NPIPA1: variants seen among roughly 807,000 people sequenced by gnomAD.
The protein encoded by NPIPA1 is nuclear pore complex-interacting protein family member A1.
For missense variants in NPIPA1, 22 were observed against 232.2 expected (o/e 0.09, Z 5.88); for synonymous variants, 7 against 88.0 (o/e 0.08, Z 5.15).
At chr16:14,940,398 A>T (rs1176904877) in intron 1 of NPIPA1, among the ~76,000 whole-genome samples, 4 of 152,200 alleles carry the variant, frequency 2.6e-5, no homozygotes, top group African/African-American at 9.7e-5. Flanking sequence ...CAATTTAAAA[A>T]ACAAATAACT....
At chr16:14,946,917 A>C (rs888032180) in intron 4 of NPIPA1, among the ~76,000 whole-genome samples, 1 of 152,028 alleles carries the variant, frequency 6.6e-6, no homozygotes, top group African/African-American at 2.4e-5. Context: ...CTGGTCTAGA[A>C]CTCCTGACAT....
At chr16:14,942,893 G>A (rs1163213645) in intron 2 of NPIPA1, among the ~76,000 whole-genome samples, 1 of 151,680 alleles carries the variant, frequency 6.6e-6, no homozygotes, top group African/African-American at 2.4e-5. Context: ...ATGTGGTTGT[G>A]TGGGGGCTGA....
In NPIPA1 at chr16:14,951,758, C is replaced by G; in HGVS notation, c.786C>G (p.Ser262Arg). Residue 262 changes from serine (S) to arginine (R), a missense_variant, in exon 8 of 8, where the codon AGC becomes AGG. Physicochemically the swap from Ser to Arg is moderately radical, Grantham distance 110 (BLOSUM62 -1). Transcript: ENST00000328085. ...QQHSIIDNSL[S>R]LKTPSECLLT... ...ATTCTATAATTGATAACTCCCTGAG[C>G]CTCAAGACACCTTCCGAGTGTCTGC... The G allele has an allele frequency of 6.6e-7, 1 of 1,513,876 alleles. No homozygotes were observed. Among genetic ancestry groups the G allele is most frequent in the Non-Finnish European group, 8.9e-7 (1 of 1,128,394 alleles). The allele number at this position is 1,513,876 out of a possible 1,614,324, so 93.8% of individuals were successfully genotyped here. A position where few individuals can be genotyped will look rare whatever the true frequency, so the allele number is the denominator to read the frequency against.
intron 2 of NPIPA1, among the ~76,000 whole-genome samples, chr16:14,942,843 T>C (rs1376331725): frequency 6.6e-6 from 1 of 152,286 alleles, no homozygotes; most frequent in Admixed American, 6.5e-5. Context: ...TTTGGGTAAG[T>C]TGAGCTCTAC....
intron 1 of NPIPA1, among the ~76,000 whole-genome samples, chr16:14,940,447 A>G (rs1177229123): frequency 1.3e-5 from 2 of 151,906 alleles, no homozygotes; most frequent in East Asian, 2.0e-4. Flanking sequence ...AGTGGCTCAC[A>G]CCTGTATTGC....
At chr16:14,945,323 C>T (rs1965860857) in intron 2 of NPIPA1, among the ~76,000 whole-genome samples, 1 of 146,154 alleles carries the variant, frequency 6.8e-6, no homozygotes, top group African/African-American at 2.5e-5. Flanking sequence ...GATCTCGGCT[C>T]ACTGCAACCT....
At chr16:14,939,685 C>T (rs1179144336) in intron 1 of NPIPA1, among the ~76,000 whole-genome samples, 1 of 8,954 alleles carries the variant, frequency 1.1e-4, no homozygotes, top group African/African-American at 2.1e-4. Flanking sequence ...GTTTAATTCA[C>T]CATCTTGAAA....
chr16:14,950,531 A>G lies in NPIPA1; in HGVS notation c.642+276A>G, dbSNP rs1382888645. 4 of 985,622 alleles carry G rather than the reference A, an allele frequency of 4.1e-6. No homozygotes were observed. The African/African-American group carries it at 6.4e-5, about 16-fold the overall frequency. 61.1% of individuals were successfully genotyped at this position (985,622 alleles called of 1,614,324 possible). On this transcript the variant is annotated intron_variant, in intron 7 of 7. Coordinates refer to ENST00000328085, the MANE Select transcript of NPIPA1 (RefSeq NM_006985.4). ...CCTGACTGTAAATTAGTGAAGAGTGAATGTAACTTATTACCCACAGGGACA... is the reference window on the plus strand; with the variant it reads ...CCTGACTGTAAATTAGTGAAGAGTGGATGTAACTTATTACCCACAGGGACA...
At chr16:14,940,734 C>T (rs1965731074) in intron 1 of NPIPA1, among the ~76,000 whole-genome samples, 4 of 118,158 alleles carry the variant, frequency 3.4e-5, no homozygotes, top group Non-Finnish European at 5.1e-5. Flanking sequence ...AAGATAATTA[C>T]TTTATACTTA....
In NPIPA1 at chr16:14,945,227, GGT is replaced by G. The variant is rs1555533565; in HGVS notation, c.193-307_193-306del. 7.8e-3 allele frequency among the ~76,000 whole-genome samples: 1,071 copies of G among 137,766 alleles called. 1 individual carries two copies. Among genetic ancestry groups the G allele is most frequent in the East Asian group, 0.023 (92 of 4,014 alleles). 90.4% of individuals were successfully genotyped at this position (137,766 alleles called of 152,430 possible). On this transcript the variant is annotated intron_variant, in intron 2 of 7. Transcript: ENST00000328085. ...TGCCAGCCTCATGTCATTCTTGTGT[GGT>G]GTGTGTGTGTGTGTGTGTGTGTGTG... is the stretch of plus-strand genomic sequence containing the variant.
At chr16:14,944,979 T>C (rs1268048653) in intron 2 of NPIPA1, among the ~76,000 whole-genome samples, 1 of 148,158 alleles carries the variant, frequency 6.7e-6, no homozygotes, top group Non-Finnish European at 1.5e-5. Context: ...TGGCACAATC[T>C]CAGCTCAACA....
chr16:14,946,487 G>A (rs1597176895), intron 4 of NPIPA1, among the ~76,000 whole-genome samples: 1 of 151,302 alleles, frequency 6.6e-6, no homozygotes, highest in East Asian at 2.0e-4. Flanking sequence ...CTCCCAAAGT[G>A]CTGGGATTAG....
intron 1 of NPIPA1, among the ~76,000 whole-genome samples, chr16:14,941,122 C>T (rs1317306161): frequency 6.6e-6 from 1 of 150,658 alleles, no homozygotes; most frequent in Non-Finnish European, 1.5e-5. Context: ...AGTGAGACCC[C>T]ATCTCAAAAA....
chr16:14,945,227 G>GTTGTGTGTGT (rs748459839), intron 2 of NPIPA1, among the ~76,000 whole-genome samples: 1,974 of 136,900 alleles, frequency 0.014, 34 homozygotes, highest in East Asian at 0.023. Context: ...ATTCTTGTGT[G>GTTGTGTGTGT]GTGTGTGTGT....
At chr16:14,943,630 C>T (rs1232046765) in intron 2 of NPIPA1, among the ~76,000 whole-genome samples, 6 of 143,800 alleles carry the variant, frequency 4.2e-5, no homozygotes, top group South Asian at 2.3e-4. Context: ...TGTGTGATGG[C>T]ATTTCTTTGC....
chr16:14,948,311 T>C (rs1347816355), intron 4 of NPIPA1, among the ~76,000 whole-genome samples: 1 of 152,250 alleles, frequency 6.6e-6, no homozygotes, highest in Non-Finnish European at 1.5e-5. Flanking sequence ...TCTAATTCAA[T>C]AGATGCACCC....
intron 1 of NPIPA1, among the ~76,000 whole-genome samples, chr16:14,941,067 G>T (rs1965739369): frequency 6.7e-6 from 1 of 150,346 alleles, no homozygotes; most frequent in African/African-American, 2.4e-5. Flanking sequence ...GGCAGAGGTT[G>T]CAGTGAGCCG....
intron 1 of NPIPA1, among the ~76,000 whole-genome samples, chr16:14,941,177 C>T (rs1965743560): frequency 6.6e-6 from 1 of 151,540 alleles, no homozygotes; most frequent in Non-Finnish European, 1.5e-5. Flanking sequence ...GTGGCTCACA[C>T]CTGTAATCCC....
chr16:14,945,244 G>GTGTA (rs1419451663), intron 2 of NPIPA1, among the ~76,000 whole-genome samples: 12 of 148,020 alleles, frequency 8.1e-5, no homozygotes, highest in African/African-American at 2.7e-4. Context: ...GTGTGTGTGT[G>GTGTA]TGTGTGTGTG....
Sources: gnomAD v4.1 joint callset for allele counts (sites outside exome capture counted in the v4.1 genomes callset) on GRCh38, gnomAD v4.1.1 for gene constraint, MANE v1.5 for transcripts, NCBI Gene and HGNC (gene_info 2026-07-23, HGNC 2026-07-21) for gene names.